The following CFAP65 variants were observed in gnomAD, a reference collection of about 807,000 sequenced individuals.
CFAP65 encodes the protein cilia- and flagella-associated protein 65.
CFAP65 carries 155 observed loss-of-function variants against 208.0 expected under a neutral mutation model. The ratio of observed to expected loss-of-function variants is 0.75; its 90% CI spans 0.65 to 0.85. The LOEUF is 0.85. CFAP65 is among the 40% of genes least tolerant of loss of function. CFAP65 has a pLI of 0.00. For missense variants in CFAP65, 2,294 were observed against 2,451.3 expected, an observed-to-expected ratio of 0.94 and a Z score of 1.36; for synonymous variants, 970 against 986.3, an observed-to-expected ratio of 0.98 and a Z score of 0.31.
At chr2:219,015,446 T>A (rs1433138914) in intron 21 of CFAP65, 1 of 152,344 alleles carries the variant, frequency 6.6e-6, no homozygotes, top group Non-Finnish European at 1.5e-5. Flanking sequence ...AACACGGGCC[T>A]GGAAGCCTCA....
At chr2:219,040,483 G>C (rs768051252) in intron 2 of CFAP65, 36 bp downstream of exon 2, 84 of 1,067,534 alleles carry the variant, frequency 7.9e-5, no homozygotes, top group Non-Finnish European at 1.0e-4. Context: ...ACCAGGTACT[G>C]TGCTAGGCAC....
chr2:219,035,441 AG>A (rs1948299809), intron 5 of CFAP65, 38 bp downstream of exon 5: 1 of 1,614,022 alleles, frequency 6.2e-7, no homozygotes, highest in Admixed American at 1.7e-5. Context: ...TCGGGGCTCA[AG>A]GCTGTGGCAC....
rs374091814 is a variant in CFAP65 at position 219,030,683 on chromosome 2, G to A, written c.1161+6C>T. 1 of 1,611,922 alleles carries A rather than the reference G, an allele frequency of 6.2e-7. No homozygotes were observed. The highest frequency in any genetic ancestry group is 1.3e-5 in the African/African-American group (1 of 74,866). ...AGTCCTGCCGCCCCTCCTGCCTGGT[G>A]CCTACCGCCGACGGGTTGTGTAGCC... On this transcript the variant is annotated splice_donor_region_variant and intron_variant, in intron 9 of 34. Coordinates refer to ENST00000341552, the MANE Select transcript of CFAP65 (RefSeq NM_194302.4).
chr2:219,040,848 T>C (rs571828379), intron 1 of CFAP65, among the ~76,000 whole-genome samples: 4 of 152,326 alleles, frequency 2.6e-5, no homozygotes, highest in East Asian at 1.9e-4. Context: ...TCTACGGGGA[T>C]AGGCAAATTT....
rs763083974 is a variant in CFAP65 at position 219,003,307 on chromosome 2, G to T, written c.5556-35C>A. ...GGCGGGGGCTAGCATGAGGGCGGCC[G>T]CAGTGCCCGCGCGCCTCCTCGCTCG... On this transcript the variant is annotated intron_variant, in intron 33 of 34. Coordinates refer to ENST00000341552, the MANE Select transcript of CFAP65 (RefSeq NM_194302.4). The surrounding 1 kb of genome is among the most constrained non-coding windows in gnomAD (Gnocchi z 4.4). 2 of 1,486,544 alleles carry T rather than the reference G, an allele frequency of 1.3e-6. No homozygotes were observed. The highest frequency in any genetic ancestry group is 5.0e-5 in the East Asian group (2 of 40,112). 92.1% of individuals were successfully genotyped at this position (1,486,544 alleles called of 1,614,324 possible).
In CFAP65 at chr2:219,013,563, G is replaced by A; in HGVS notation, c.3802C>T (p.His1268Tyr). Residue 1268 changes from histidine (H) to tyrosine (Y), a missense_variant, in exon 23 of 35, where the codon CAC becomes TAC. Around this residue, in one of 2 missense-constraint regions of CFAP65, gnomAD observed 1,427 missense variants for 1,438.7 expected, o/e 0.99. Coordinates refer to ENST00000341552, the MANE Select transcript of CFAP65 (RefSeq NM_194302.4). ...KYSHLFIGTD[H>Y]LPVLFKVSHG... ...GACACCTTGAAGAGCACTGGGAGGT[G>A]ATCAGTACCGATGAACAGGTGGCTA... 1 of 1,600,540 alleles carries A rather than the reference G, an allele frequency of 6.2e-7. No homozygotes were observed. Among genetic ancestry groups the A allele is most frequent in the Non-Finnish European group, 8.5e-7 (1 of 1,175,076 alleles).
intron 12 of CFAP65, 26 bp from the exon 13 acceptor site, chr2:219,028,035 G>A: frequency 6.6e-7 from 1 of 1,520,210 alleles, no homozygotes; most frequent in Non-Finnish European, 8.8e-7. Context: ...CAGGTGGATA[G>A]GGCTCAACTG....
intron 19 of CFAP65, among the ~76,000 whole-genome samples, chr2:219,020,914 C>T (rs755787114): frequency 8.5e-5 from 13 of 152,160 alleles, no homozygotes; most frequent in Admixed American, 3.3e-4. Flanking sequence ...GCTAAGATTT[C>T]ACAATAAGTC....
intron 4 of CFAP65, 46 bp from the exon 5 acceptor site, chr2:219,035,710 C>T: frequency 6.4e-7 from 1 of 1,560,940 alleles, no homozygotes. Flanking sequence ...GATGTATCAG[C>T]AGGGTGGGAT....
intron 14 of CFAP65, 52 bp from the exon 15 acceptor site, chr2:219,024,312 G>A: frequency 1.9e-6 from 3 of 1,569,052 alleles, no homozygotes; most frequent in East Asian, 2.2e-5. Context: ...TCCACCCTGG[G>A]ACACACACTC....
Position 219,019,491 on chromosome 2 carries a change from C to G in CFAP65, c.3473+15G>C. On this transcript the variant is annotated intron_variant, in intron 20 of 34. Transcript: ENST00000341552. ...CCTGCCCCCAGCCCCCACCCCCACT[C>G]CAGGCTCAGCTCACCTGTGCCGGGT... 1 of 1,605,958 alleles carries G rather than the reference C, an allele frequency of 6.2e-7. No individual in the cohort carries two copies. Among genetic ancestry groups the G allele is most frequent in the Non-Finnish European group, 8.5e-7 (1 of 1,176,108 alleles).
chr2:219,027,469 C>T (rs1321899074), intron 13 of CFAP65, 181 bp downstream of exon 13: 9 of 1,552,560 alleles, frequency 5.8e-6, no homozygotes, highest in Admixed American at 3.9e-5. Context: ...TCAGATGGGC[C>T]GAGCTAGGCC....
At chr2:219,007,165 TTTG>T (rs1946070987) in intron 29 of CFAP65, among the ~76,000 whole-genome samples, 1 of 140,618 alleles carries the variant, frequency 7.1e-6, no homozygotes. Context: ...GTTGTTTTTG[TTTG>T]TTTTTTTTTC....
chr2:219,010,009 A>G lies in CFAP65; in HGVS notation c.4385T>C (p.Leu1462Pro). The change falls in exon 27 of 35, where the codon CTC becomes CCC. Residue 1462 changes from leucine (L) to proline (P), a missense_variant. Transcript: ENST00000341552. ...TTCCTCGTTCTTGGAGATGTTGTTG[A>G]GGAAGAGCAGGCGGCTGCACTTGCT... ...VQSKCSRLLFLNNISKNEEIA... is the reference protein window; with the variant it reads ...VQSKCSRLLFPNNISKNEEIA... 7 of 1,612,918 alleles carry G rather than the reference A, an allele frequency of 4.3e-6. No homozygotes were observed. Among genetic ancestry groups the G allele is most frequent in the Non-Finnish European group, 5.9e-6 (7 of 1,179,652 alleles).
intron 3 of CFAP65, 65 bp from the exon 4 acceptor site, chr2:219,038,643 A>T (rs371626145): frequency 7.1e-7 from 1 of 1,415,968 alleles, no homozygotes; most frequent in Non-Finnish European, 9.9e-7. Context: ...GAGGGAGGAG[A>T]CTCTCATGGC....
intron 5 of CFAP65, chr2:219,035,023 G>A (rs1406369240): frequency 1.8e-5 from 5 of 276,730 alleles, no homozygotes; most frequent in Admixed American, 5.0e-5. Flanking sequence ...CTATTCCCCA[G>A]AAAAGACAGA....
chr2:219,035,665 C>A lies in CFAP65; in HGVS notation c.358-1G>T. The A allele has an allele frequency of 1.2e-6, 2 of 1,610,748 alleles. No individual in the cohort carries two copies. Among genetic ancestry groups the A allele is most frequent in the Non-Finnish European group, 1.7e-6 (2 of 1,177,834 alleles). On this transcript the variant is annotated splice_acceptor_variant, in intron 4 of 34. Transcript: ENST00000341552. LOFTEE classifies it high-confidence loss of function. ...TCTGAGTGTCCATGGAGCTTGCGGG[C>A]TGTTCAGGTGGCAGGGAGAAGGGGG...
rs753857030 is a variant in CFAP65, at chr2:219,031,442, T to C, written c.815+47A>G. ...CTGTCTCTCCTGCTTCCAGACACCC[T>C]CCTCACAGCTCTTGCTCTCCCCGCC... On this transcript the variant is annotated intron_variant, in intron 7 of 34. Coordinates refer to ENST00000341552, the MANE Select transcript of CFAP65 (RefSeq NM_194302.4). This position sits in a 1 kb window ranked among gnomAD's most constrained non-coding sequence, Gnocchi z 5.2. The C allele has an allele frequency of 3.7e-6, 6 of 1,613,412 alleles. No individual in the cohort carries two copies. In the Admixed American group the frequency reaches 8.3e-5, roughly 22 times the overall value.
intron 24 of CFAP65, 146 bp from the exon 25 acceptor site, chr2:219,011,142 C>G: frequency 1.6e-6 from 1 of 615,396 alleles, no homozygotes; most frequent in Admixed American, 3.2e-5. Context: ...GGCTTGATCA[C>G]TCGAGAAGTA....
Sources: allele counts gnomAD v4.1 joint callset (sites outside exome capture counted in the v4.1 genomes callset), GRCh38; gene constraint gnomAD v4.1.1; regional missense constraint gnomAD v4.1.1; non-coding constraint Gnocchi (gnomAD v3.1); transcripts MANE v1.5; gene names NCBI Gene and HGNC (gene_info 2026-07-23, HGNC 2026-07-21).